Variants in CEACAM4 observed in about 807,000 individuals in gnomAD.
CEACAM4 encodes the protein CEA cell adhesion molecule 4.
A neutral mutation model predicts 28.7 loss-of-function variants in CEACAM4; 30 were observed. The observed-to-expected ratio is 1.05, with a 90% confidence interval of 0.78 to 1.42. The LOEUF (loss-of-function observed/expected upper bound fraction) is 1.42, where lower values mean the gene tolerates loss of function less well. Among genes scored for constraint, CEACAM4 ranks in the 40% most tolerant of loss-of-function variants. The pLI, the probability that CEACAM4 is intolerant of heterozygous loss-of-function variation, is 0.00. For synonymous variants in CEACAM4, 143 were observed against 126.5 expected, an observed-to-expected ratio of 1.13 and a Z score of -0.87; for missense variants, 330 against 308.2, an observed-to-expected ratio of 1.07 and a Z score of -0.53.
downstream of CEACAM4, among the ~76,000 whole-genome samples, chr19:41,615,898 G>T (rs2070977374): frequency 6.6e-6 from 1 of 152,210 alleles, no homozygotes; most frequent in Admixed American, 6.5e-5. Context: ...GTGGGTAAGA[G>T]GTGATGGGAA....
At position 41,625,725 on chromosome 19, in the gene CEACAM4, T is replaced by A; in HGVS notation, c.300A>T (p.Thr100=). The A allele has an allele frequency of 6.2e-7, 1 of 1,614,100 alleles. No individual in the cohort carries two copies. Among genetic ancestry groups the A allele is most frequent in the Non-Finnish European group, 8.5e-7 (1 of 1,179,974 alleles). ...ACAGCAGGGATCCATTGGGGTATAC[T>A]GTCTCTCGACCACTGTATGCGGCCC... ...IPGAAYSGRE[T]VYPNGSLLFQ... The change falls in exon 2 of 7, where the codon ACA becomes ACT. Residue 100 remains threonine (T), a synonymous_variant. Coordinates refer to ENST00000221954, the MANE Select transcript of CEACAM4 (RefSeq NM_001817.4).
chr19:41,618,082 C>T (rs149518358), downstream of CEACAM4, among the ~76,000 whole-genome samples: 1 of 152,294 alleles, frequency 6.6e-6, no homozygotes. Flanking sequence ...GGGAAGGTGG[C>T]ACCTGGTTCA....
chr19:41,618,155 T>C (rs2071034003), downstream of CEACAM4, among the ~76,000 whole-genome samples: 1 of 152,060 alleles, frequency 6.6e-6, no homozygotes, highest in Admixed American at 6.5e-5. Flanking sequence ...AGAACTGCTG[T>C]CCCAGGTGTG....
chr19:41,616,510 TAGATAGATA>T (rs2070985638), downstream of CEACAM4, among the ~76,000 whole-genome samples: 1 of 146,486 alleles, frequency 6.8e-6, no homozygotes, highest in South Asian at 2.2e-4. Context: ...GATAGATAGA[TAGATAGATA>T]GATAGATAGA....
intron 2 of CEACAM4, among the ~76,000 whole-genome samples, chr19:41,625,275 G>A (rs577209021): frequency 8.5e-5 from 13 of 152,234 alleles, no homozygotes; most frequent in African/African-American, 2.9e-4. Context: ...TTCCCAGGAC[G>A]CCCTCAGGCC....
rs2071618016 is a variant in CEACAM4 at position 41,625,922 on chromosome 19, G to C, written c.103C>G (p.Gln35Glu). ...GACGGCAGGGCTTCAATAGTGAACT[G>C]GACAGTGGTGGGCGGGTGCCAGAAG... The part of the protein sequence containing the change: ...LTFWHPPTTV[Q>E]FTIEALPSSA... The change falls in exon 2 of 7, where the codon CAG (glutamine) becomes GAG (glutamate). Residue 35 changes from glutamine (Q) to glutamate (E), a missense_variant. By Grantham distance (29) the Gln-to-Glu change is conservative (BLOSUM62 2). Transcript: ENST00000221954. 6.2e-7 allele frequency: 1 copy of C among 1,613,480 alleles called. No homozygotes were observed. Among genetic ancestry groups the C allele is most frequent in the African/African-American group, 1.3e-5 (1 of 74,852 alleles).
At chr19:41,616,755 G>T (rs1185532007), downstream of CEACAM4, among the ~76,000 whole-genome samples, 2 of 152,124 alleles carry the variant, frequency 1.3e-5, no homozygotes, top group Non-Finnish European at 2.9e-5. Context: ...GATGCTCCAG[G>T]CTGAGTGATG....
intron 4 of CEACAM4, 103 bp downstream of exon 4, chr19:41,620,472 A>T: frequency 9.8e-7 from 1 of 1,019,734 alleles, no homozygotes; most frequent in Non-Finnish European, 1.4e-6. Flanking sequence ...TCCTCCTTGC[A>T]GCCCCAAAGA....
At chr19:41,622,380 C>A (rs1022132076) in intron 2 of CEACAM4, among the ~76,000 whole-genome samples, 1 of 152,156 alleles carries the variant, frequency 6.6e-6, no homozygotes, top group Non-Finnish European at 1.5e-5. Context: ...GCCCAGTCTT[C>A]CTCTTGTTTC....
chr19:41,624,609 C>G (rs2071518944), intron 2 of CEACAM4, among the ~76,000 whole-genome samples: 1 of 152,214 alleles, frequency 6.6e-6, no homozygotes, highest in South Asian at 2.1e-4. Context: ...GTTCTGAGGT[C>G]CACAGACACC....
intron 5 of CEACAM4, among the ~76,000 whole-genome samples, chr19:41,619,919 C>CGG (rs2071158059): frequency 6.6e-6 from 1 of 152,204 alleles, no homozygotes; most frequent in Non-Finnish European, 1.5e-5. Flanking sequence ...TGGGCCCACC[C>CGG]CGCACCCTTG....
At position 41,620,131 on chromosome 19, in the gene CEACAM4, G is replaced by A. The variant is rs541469384; in HGVS notation, c.627+80C>T. 4.9e-5 allele frequency: 62 copies of A among 1,274,326 alleles called. No homozygotes were observed. The African/African-American group carries it at 9.0e-4, about 18-fold the overall frequency. The allele number at this position is 1,274,326 out of a possible 1,614,324, so 78.9% of individuals were successfully genotyped here. On this transcript the variant is annotated intron_variant, in intron 5 of 6. Transcript: ENST00000221954. ...GGGAAAGGTGGGTCAGTGCTGTGCT[G>A]TGGGGTTGATGGTCCCCCTGCCCTG...
intron 2 of CEACAM4, among the ~76,000 whole-genome samples, chr19:41,624,668 A>G (rs1332997956): frequency 3.9e-5 from 6 of 152,216 alleles, no homozygotes; most frequent in African/African-American, 1.4e-4. Context: ...AGCTGCAGAC[A>G]GCCCTCATGT....
chr19:41,624,383 A>G (rs1409825131), intron 2 of CEACAM4, among the ~76,000 whole-genome samples: 2 of 152,188 alleles, frequency 1.3e-5, no homozygotes, highest in Non-Finnish European at 2.9e-5. Flanking sequence ...TGATACCCAC[A>G]CATCAGAAAA....
At chr19:41,624,893 ACC>A (rs782678150) in intron 2 of CEACAM4, among the ~76,000 whole-genome samples, 3 of 152,118 alleles carry the variant, frequency 2.0e-5, no homozygotes, top group African/African-American at 2.4e-5. Context: ...ATGGGAGAGC[ACC>A]CCTGGGCATG....
chr19:41,616,814 G>A (rs1419929615), downstream of CEACAM4, among the ~76,000 whole-genome samples: 3 of 152,114 alleles, frequency 2.0e-5, no homozygotes, highest in Non-Finnish European at 4.4e-5. Context: ...AATCATGGAA[G>A]GTTCCCACCA....
At chr19:41,620,993 A>T (rs528865740) in intron 3 of CEACAM4, among the ~76,000 whole-genome samples, 1 of 151,430 alleles carries the variant, frequency 6.6e-6, no homozygotes, top group South Asian at 2.1e-4. Context: ...ACACTGGGGG[A>T]GCTGGGGGCA....
chr19:41,619,533 C>T (rs562254614), intron 6 of CEACAM4, 137 bp downstream of exon 6: 46 of 1,541,466 alleles, frequency 3.0e-5, no homozygotes, highest in South Asian at 3.6e-5. Context: ...TCCCAGGCCC[C>T]TCCCTCCTCT....
chr19:41,626,198 C>A (rs1480487123), intron 1 of CEACAM4, among the ~76,000 whole-genome samples: 1 of 151,732 alleles, frequency 6.6e-6, no homozygotes, highest in Non-Finnish European at 1.5e-5. Flanking sequence ...GAATCTTCTT[C>A]CCCAGGGGTC....
Sources: gnomAD v4.1 joint callset for allele counts (sites outside exome capture counted in the v4.1 genomes callset) on GRCh38, gnomAD v4.1.1 for gene constraint, MANE v1.5 for transcripts, NCBI Gene and HGNC (gene_info 2026-07-23, HGNC 2026-07-21) for gene names.